The following PCSK2 variants were observed in gnomAD, a reference collection of about 807,000 sequenced individuals.
The protein encoded by PCSK2 is neuroendocrine convertase 2.
PCSK2 carries 14 observed loss-of-function variants against 69.7 expected under a neutral mutation model. That is an observed-to-expected ratio of 0.20 (90% CI 0.13 to 0.31). The LOEUF (loss-of-function observed/expected upper bound fraction) is 0.31. Ranked by LOEUF, PCSK2 falls within the 10% of genes least tolerant of loss-of-function variation. PCSK2 has a pLI of 1.00. For synonymous variants in PCSK2, 307 were observed against 320.7 expected (o/e 0.96, Z 0.46); for missense variants, 544 against 842.5 (o/e 0.65, Z 4.39).
In PCSK2 at chr20:17,266,991, A is replaced by G. The variant is rs1381240895; in HGVS notation, c.282+6647A>G. Among the ~76,000 whole-genome samples the G allele has an allele frequency of 2.0e-5, 3 of 152,114 alleles. No homozygotes were observed. In the East Asian group the frequency reaches 5.8e-4, roughly 29 times the overall value. On this transcript the variant is annotated intron_variant, in intron 2 of 11. Transcript: ENST00000262545. ...AGTTTTCATTACACCTGCCATGCCC[A>G]CTTCACTCAATTTGTCTGTAAATTC...
chr20:17,379,033 C>A lies in PCSK2; in HGVS notation c.543+9756C>A, dbSNP rs563052917. Among the ~76,000 whole-genome samples, 3 of 152,266 alleles carry A rather than the reference C, an allele frequency of 2.0e-5. No homozygotes were observed. In the East Asian group the frequency reaches 5.8e-4, roughly 29 times the overall value. ...TTACAAATAATTAACTTGGCAATAA[C>A]CCCTGGCTACAGCTGTGGTTCAAAA... is the stretch of plus-strand genomic sequence containing the variant. On this transcript the variant is annotated intron_variant, in intron 5 of 11. Transcript: ENST00000262545.
At chr20:17,446,611 T>C (rs772267435) in intron 8 of PCSK2, among the ~76,000 whole-genome samples, 6 of 152,172 alleles carry the variant, frequency 3.9e-5, no homozygotes, top group Non-Finnish European at 7.4e-5. Context: ...AGGTAACCAG[T>C]TGACCTAGTG....
intron 11 of PCSK2, among the ~76,000 whole-genome samples, chr20:17,473,170 T>C (rs1357158407): frequency 2.9e-5 from 4 of 139,748 alleles, no homozygotes; most frequent in Admixed American, 7.9e-5. Context: ...CTCAGCTCAC[T>C]GCAACCTCCG....
intron 5 of PCSK2, among the ~76,000 whole-genome samples, chr20:17,401,308 G>C (rs999979079): frequency 6.6e-6 from 1 of 152,152 alleles, no homozygotes; most frequent in Non-Finnish European, 1.5e-5. Context: ...AGAATTCCAA[G>C]ACCAAGGTGC....
chr20:17,477,036 C>T (rs1381373727), intron 11 of PCSK2, among the ~76,000 whole-genome samples: 2 of 152,134 alleles, frequency 1.3e-5, no homozygotes, highest in Non-Finnish European at 2.9e-5. Context: ...TCCATGAAAC[C>T]GTTTAAGTCT....
intron 2 of PCSK2, among the ~76,000 whole-genome samples, chr20:17,345,260 C>G (rs1002772246): frequency 6.6e-6 from 1 of 152,064 alleles, no homozygotes; most frequent in Non-Finnish European, 1.5e-5. Flanking sequence ...TCCACTCTGA[C>G]GATGAAATGA....
At chr20:17,269,621 A>G (rs1987780975) in intron 2 of PCSK2, among the ~76,000 whole-genome samples, 1 of 152,136 alleles carries the variant, frequency 6.6e-6, no homozygotes, top group South Asian at 2.1e-4. Context: ...TGGGCTGGGT[A>G]GTGTGCTTTA....
intron 2 of PCSK2, among the ~76,000 whole-genome samples, chr20:17,277,668 T>C (rs1196710939): frequency 2.0e-5 from 3 of 147,250 alleles, no homozygotes; most frequent in African/African-American, 4.9e-5. Flanking sequence ...GGCAAGGACT[T>C]CATGTCTAAA....
chr20:17,298,321 G>C (rs947706497), intron 2 of PCSK2, among the ~76,000 whole-genome samples: 2 of 152,142 alleles, frequency 1.3e-5, no homozygotes, highest in African/African-American at 4.8e-5. Context: ...AGCTTAAAAG[G>C]AATGGTTCTC....
At chr20:17,337,943 G>A (rs1481671580) in intron 2 of PCSK2, among the ~76,000 whole-genome samples, 2 of 116,240 alleles carry the variant, frequency 1.7e-5, no homozygotes, top group African/African-American at 3.0e-5. Flanking sequence ...AAAAAAAAAA[G>A]CATTAGGAGA....
rs58508384 is a variant in PCSK2 at position 17,295,213 on chromosome 20, A to AACACAC, written c.282+34896_282+34901dup. ...GTGAGGTCTGCATTTATACGCAGTTAACACACACACACACACACACACACA... is the reference window on the plus strand; with the variant it reads ...GTGAGGTCTGCATTTATACGCAGTTAACACACACACACACACACACACACACACACA... On this transcript the variant is annotated intron_variant, in intron 2 of 11. Transcript: ENST00000262545. 9.3e-3 allele frequency among the ~76,000 whole-genome samples: 1,363 copies of AACACAC among 146,258 alleles called. 16 individuals carry two copies. The highest frequency in any genetic ancestry group is 0.031 in the African/African-American group (1,221 of 39,902).
intron 2 of PCSK2, among the ~76,000 whole-genome samples, chr20:17,347,872 AAAAG>A (rs201865268): frequency 0.031 from 2,728 of 88,710 alleles, 163 homozygotes; most frequent in East Asian, 0.062. Context: ...GGAGAGAGAA[AAAAG>A]AAAGAAAGAA....
chr20:17,345,302 GC>G (rs1180836190), intron 2 of PCSK2, among the ~76,000 whole-genome samples: 1 of 152,098 alleles, frequency 6.6e-6, no homozygotes, highest in African/African-American at 2.4e-5. Flanking sequence ...TATAATTATA[GC>G]CAGTGACATT....
At position 17,372,787 on chromosome 20, in the gene PCSK2, A is replaced by G. The variant is rs116613320; in HGVS notation, c.543+3510A>G. On this transcript the variant is annotated intron_variant, in intron 5 of 11. Transcript: ENST00000262545. Reference sequence around the variant, plus strand: ...GCTTGATTCCTCAGCAGAGGGCCCAAACTGGCTGGTTTTTAATGGCACAGT... The same window carrying G: ...GCTTGATTCCTCAGCAGAGGGCCCAGACTGGCTGGTTTTTAATGGCACAGT... Among the ~76,000 whole-genome samples, 462 of 152,300 alleles carry G rather than the reference A, an allele frequency of 3.0e-3. 4 individuals carry two copies. Among genetic ancestry groups the G allele is most frequent in the African/African-American group, 0.01 (435 of 41,564 alleles).
At chr20:17,314,219 A>G (rs1989606507) in intron 2 of PCSK2, among the ~76,000 whole-genome samples, 1 of 152,164 alleles carries the variant, frequency 6.6e-6, no homozygotes, top group Admixed American at 6.5e-5. Context: ...AATTTTCAAG[A>G]TTTCCAACCT....
chr20:17,444,086 C>G (rs1417079878), intron 8 of PCSK2, among the ~76,000 whole-genome samples: 2 of 152,182 alleles, frequency 1.3e-5, no homozygotes, highest in African/African-American at 4.8e-5. Context: ...AGGTTTTCTC[C>G]TAGTGACTTC....
At chr20:17,343,310 A>G (rs944544657) in intron 2 of PCSK2, among the ~76,000 whole-genome samples, 2 of 152,222 alleles carry the variant, frequency 1.3e-5, no homozygotes, top group Non-Finnish European at 2.9e-5. Flanking sequence ...GTGGAAATGA[A>G]TGGAATTGGA....
At chr20:17,380,230 T>C (rs2031051537) in intron 5 of PCSK2, among the ~76,000 whole-genome samples, 1 of 152,260 alleles carries the variant, frequency 6.6e-6, no homozygotes, top group Non-Finnish European at 1.5e-5. Context: ...TTCTTGATTA[T>C]AGTGGATATT....
intron 2 of PCSK2, among the ~76,000 whole-genome samples, chr20:17,312,124 A>T (rs1441202855): frequency 6.6e-6 from 1 of 152,210 alleles, no homozygotes; most frequent in East Asian, 1.9e-4. Flanking sequence ...ATGACATTGA[A>T]AAGCAGCCTC....
Sources: allele counts gnomAD v4.1 joint callset (sites outside exome capture counted in the v4.1 genomes callset), GRCh38; gene constraint gnomAD v4.1.1; transcripts MANE v1.5; gene names NCBI Gene and HGNC (gene_info 2026-07-23, HGNC 2026-07-21).